Variants in ELOVL5 observed in about 807,000 individuals in gnomAD.
ELOVL5 encodes very long chain fatty acid elongase 5.
A neutral mutation model predicts 38.6 loss-of-function variants in ELOVL5; 8 were observed. The ratio of observed to expected loss-of-function variants is 0.21; its 90% CI spans 0.12 to 0.37. The LOEUF (loss-of-function observed/expected upper bound fraction) is 0.37. ELOVL5 is among the 10% of genes least tolerant of loss of function. ELOVL5 has a pLI of 1.00. For synonymous variants in ELOVL5, 127 were observed against 133.7 expected, an observed-to-expected ratio of 0.95 and a Z score of 0.34; for missense variants, 280 against 367.8, an observed-to-expected ratio of 0.76 and a Z score of 1.95.
rs140577828 is a variant in ELOVL5, at chr6:53,329,605, C to T, written c.-9+19212G>A. On this transcript the variant is annotated intron_variant, in intron 1 of 7. Transcript: ENST00000304434. ...TTGGAAGGCTGAGGCGGGTGGATCA[C>T]CTGAGGTCAGGAGTTCGAGACCAGC... Among the ~76,000 whole-genome samples the T allele has an allele frequency of 6.7e-3, 1,023 of 152,230 alleles. 26 individuals carry two copies. The highest frequency in any genetic ancestry group is 0.052 in the Admixed American group (791 of 15,298).
chr6:53,286,249 T>A (rs1766565113), intron 3 of ELOVL5, among the ~76,000 whole-genome samples: 1 of 152,202 alleles, frequency 6.6e-6, no homozygotes, highest in Admixed American at 6.5e-5. Context: ...CTTGGCACAC[T>A]GTTAATTGAA....
chr6:53,311,691 G>A (rs982493908), intron 1 of ELOVL5, among the ~76,000 whole-genome samples: 2 of 152,276 alleles, frequency 1.3e-5, no homozygotes, highest in East Asian at 3.9e-4. Flanking sequence ...TATCATGAAT[G>A]AATCTGGAAA....
rs1467101625 is a variant in ELOVL5 at position 53,304,111 on chromosome 6, G to C, written c.-8-8404C>G. Among the ~76,000 whole-genome samples the C allele has an allele frequency of 2.0e-5, 3 of 152,208 alleles. No individual in the cohort carries two copies. The East Asian group carries it at 5.8e-4, about 29-fold the overall frequency. The stretch of plus-strand genomic sequence containing the variant: ...TAGAGTCCAAACTCTTTAACGGCAA[G>C]TACTCCAATCTGTCCTATGAGTATA... On this transcript the variant is annotated intron_variant, in intron 1 of 7. Coordinates refer to ENST00000304434, the MANE Select transcript of ELOVL5 (RefSeq NM_021814.5).
chr6:53,313,839 T>G, intron 1 of ELOVL5, among the ~76,000 whole-genome samples: 1 of 152,238 alleles, frequency 6.6e-6, no homozygotes, highest in East Asian at 1.9e-4. Context: ...GTGCAGTCAC[T>G]ATGTGACTAT....
chr6:53,339,406 G>T (rs1769223288), intron 1 of ELOVL5, among the ~76,000 whole-genome samples: 1 of 152,214 alleles, frequency 6.6e-6, no homozygotes, highest in Non-Finnish European at 1.5e-5. Context: ...AGAACTGAAG[G>T]TGGTGGCAGA....
At chr6:53,287,988 T>C (rs766613195) in intron 3 of ELOVL5, 19 of 1,463,812 alleles carry the variant, frequency 1.3e-5, no homozygotes, top group Non-Finnish European at 1.7e-5. Flanking sequence ...GTCTAAGAGG[T>C]CTGAGGCACA....
chr6:53,275,247 G>C lies in ELOVL5; in HGVS notation c.339C>G (p.Leu113=). Residue 113 remains leucine, a synonymous_variant, in exon 5 of 8, where the codon CTC becomes CTG. Transcript: ENST00000304434. ...GESDMKIIRV[L]WWYYFSKLIE... ...TGAGTTTGGAGAAGTAGTACCACCA[G>C]AGGACACGGATAATCTAAGAGGAAA... 1 of 1,614,162 alleles carries C rather than the reference G, an allele frequency of 6.2e-7. No individual in the cohort carries two copies. The highest frequency in any genetic ancestry group is 1.1e-5 in the South Asian group (1 of 91,072).
chr6:53,287,731 T>C, intron 3 of ELOVL5: 1 of 750,400 alleles, frequency 1.3e-6, no homozygotes, highest in Non-Finnish European at 2.2e-6. Context: ...TTGCTGGGGT[T>C]TGAGTAGAGC....
At chr6:53,334,339 G>A (rs1356602849) in intron 1 of ELOVL5, among the ~76,000 whole-genome samples, 3 of 152,152 alleles carry the variant, frequency 2.0e-5, no homozygotes, top group East Asian at 3.9e-4. Context: ...GAGCCAGAGA[G>A]GCTCCTGAGA....
chr6:53,285,495 C>T (rs1766534142), intron 3 of ELOVL5, among the ~76,000 whole-genome samples: 1 of 152,228 alleles, frequency 6.6e-6, no homozygotes, highest in African/African-American at 2.4e-5. Flanking sequence ...GCAGCAAGTG[C>T]TGCTATAGAA....
intron 1 of ELOVL5, among the ~76,000 whole-genome samples, chr6:53,305,402 G>T (rs1260991618): frequency 2.7e-5 from 4 of 150,436 alleles, no homozygotes; most frequent in East Asian, 2.0e-4. Context: ...CTCCCTCCCG[G>T]GCGGGGTGGC....
intron 1 of ELOVL5, among the ~76,000 whole-genome samples, chr6:53,318,839 A>C: frequency 6.6e-6 from 1 of 152,148 alleles, no homozygotes; most frequent in Admixed American, 6.5e-5. Flanking sequence ...TTAATAGTAT[A>C]TTTGATTTAA....
intron 1 of ELOVL5, among the ~76,000 whole-genome samples, chr6:53,326,804 C>T (rs1323929278): frequency 6.6e-6 from 1 of 152,164 alleles, no homozygotes; most frequent in Non-Finnish European, 1.5e-5. Context: ...GCCATACCGG[C>T]CTTCACGAGA....
At chr6:53,344,701 A>C (rs1769464332) in intron 1 of ELOVL5, among the ~76,000 whole-genome samples, 1 of 152,202 alleles carries the variant, frequency 6.6e-6, no homozygotes, top group Admixed American at 6.5e-5. Context: ...TAGCTCAGTA[A>C]GAGTTAGCCA....
chr6:53,270,856 C>T, intron 6 of ELOVL5, 129 bp from the exon 7 acceptor site: 1 of 988,998 alleles, frequency 1.0e-6, no homozygotes, highest in Non-Finnish European at 1.5e-6. Flanking sequence ...GCAGGTACAG[C>T]AGTCACTTCA....
At chr6:53,298,517 A>G (rs1767111320) in intron 1 of ELOVL5, among the ~76,000 whole-genome samples, 1 of 152,180 alleles carries the variant, frequency 6.6e-6, no homozygotes, top group South Asian at 2.1e-4. Context: ...TGGACAAGTT[A>G]TTTAATCTTT....
chr6:53,339,186 GT>G (rs1026552484), intron 1 of ELOVL5, among the ~76,000 whole-genome samples: 1 of 152,146 alleles, frequency 6.6e-6, no homozygotes, highest in Non-Finnish European at 1.5e-5. Flanking sequence ...TCTAGCAACT[GT>G]GTATTCATCT....
At chr6:53,309,961 T>C (rs1767762578) in intron 1 of ELOVL5, among the ~76,000 whole-genome samples, 2 of 152,176 alleles carry the variant, frequency 1.3e-5, no homozygotes, top group African/African-American at 4.8e-5. Context: ...TGACAGTAAA[T>C]GTTTCTGCAT....
At chr6:53,330,024 T>A (rs145847731) in intron 1 of ELOVL5, among the ~76,000 whole-genome samples, 1 of 152,182 alleles carries the variant, frequency 6.6e-6, no homozygotes, top group African/African-American at 2.4e-5. Flanking sequence ...TACAGACGCG[T>A]CACTTAACAA....
Sources: allele counts gnomAD v4.1 joint callset (sites outside exome capture counted in the v4.1 genomes callset), GRCh38; gene constraint gnomAD v4.1.1; transcripts MANE v1.5; gene names NCBI Gene and HGNC (gene_info 2026-07-23, HGNC 2026-07-21).